Variants in ARID1B observed in about 807,000 individuals in gnomAD.
ARID1B encodes AT-rich interactive domain-containing protein 1B.
A neutral mutation model predicts 212.3 loss-of-function variants in ARID1B; 30 were observed. The ratio of observed to expected loss-of-function variants is 0.14; its 90% CI spans 0.11 to 0.19. ARID1B has a LOEUF of 0.19. ARID1B is among the 10% of genes least tolerant of loss of function. ARID1B has a pLI of 1.00. For synonymous variants in ARID1B, 1,402 were observed against 1,301.7 expected (o/e 1.08, Z -1.66); for missense variants, 2,891 against 3,204.0 (o/e 0.90, Z 2.36).
intron 3 of ARID1B, among the ~76,000 whole-genome samples, chr6:156,906,205 G>T (rs1282937384): frequency 6.6e-6 from 1 of 151,984 alleles, no homozygotes; most frequent in Non-Finnish European, 1.5e-5. Context: ...TTGTGATTAG[G>T]TATTTTAATT....
rs145953140 is a variant in ARID1B, at chr6:157,094,887, A to G, written c.2491+9982A>G. 3.4e-3 allele frequency among the ~76,000 whole-genome samples: 518 copies of G among 152,264 alleles called. 5 individuals are homozygous for G. The highest frequency in any genetic ancestry group is 6.8e-3 in the Middle Eastern group (2 of 294). On this transcript the variant is annotated intron_variant, in intron 5 of 19. Coordinates refer to ENST00000636930, the MANE Select transcript of ARID1B (RefSeq NM_001374828.1). This position sits in a 1 kb window ranked among gnomAD's most constrained non-coding sequence, Gnocchi z 4.3. ...TGGCAGAAGGAGTTTGGCCGAAGGA[A>G]TTGGTAAATGATGGTTCTGTACAGA...
At chr6:157,027,027 TG>T (rs2128487608) in intron 4 of ARID1B, among the ~76,000 whole-genome samples, 1 of 152,336 alleles carries the variant, frequency 6.6e-6, no homozygotes, top group Non-Finnish European at 1.5e-5. Flanking sequence ...AAGCAATTTA[TG>T]TGAGAGAAGA....
chr6:157,113,041 C>G lies in ARID1B; in HGVS notation c.2581+2480C>G, dbSNP rs141926495. Among the ~76,000 whole-genome samples, 1,316 of 152,028 alleles carry G rather than the reference C, an allele frequency of 8.7e-3. 25 individuals are homozygous for G. The highest frequency in any genetic ancestry group is 0.03 in the African/African-American group (1,240 of 41,442). On this transcript the variant is annotated intron_variant, in intron 6 of 19. Coordinates refer to ENST00000636930, the MANE Select transcript of ARID1B (RefSeq NM_001374828.1). ...GGTTCAAGCGATTCTTCTGCCTCAG[C>G]CTCCCAAGTAGCTGAGATTACAGGC...
intron 4 of ARID1B, among the ~76,000 whole-genome samples, chr6:157,061,915 G>A (rs1175324150): frequency 3.9e-5 from 6 of 152,168 alleles, no homozygotes; most frequent in Non-Finnish European, 8.8e-5. Context: ...CGTGCATCGT[G>A]TGGTAGGAGG....
At chr6:157,007,925 C>G (rs576636527) in intron 4 of ARID1B, among the ~76,000 whole-genome samples, 2 of 152,160 alleles carry the variant, frequency 1.3e-5, no homozygotes, top group African/African-American at 4.8e-5. Flanking sequence ...ATCCGCCCAC[C>G]TCGGCCTCCC....
intron 2 of ARID1B, among the ~76,000 whole-genome samples, chr6:156,891,192 T>C (rs931233904): frequency 1.3e-5 from 2 of 152,248 alleles, no homozygotes; most frequent in Non-Finnish European, 2.9e-5. Flanking sequence ...ATTTTCAGTC[T>C]GTCTCTTATG....
At position 156,897,264 on chromosome 6, in the gene ARID1B, C is replaced by CTTCTTCTTCTTA. The variant is rs71027320; in HGVS notation, c.1987-4110_1987-4109insCTTCTTCTTATT. Among the ~76,000 whole-genome samples, 578 of 83,550 alleles carry CTTCTTCTTCTTA rather than the reference C, an allele frequency of 6.9e-3. 1 individual carries two copies. The highest frequency in any genetic ancestry group is 0.015 in the Middle Eastern group (3 of 194). The allele number at this position is 83,550 out of a possible 152,430, so 54.8% of individuals were successfully genotyped here. ...TCTTCTTCTTCTTCTTCTTCTTCTT[C>CTTCTTCTTCTTA]TTATTATTATTATTATTATTATTAT... On this transcript the variant is annotated intron_variant, in intron 2 of 19. Coordinates refer to ENST00000636930, the MANE Select transcript of ARID1B (RefSeq NM_001374828.1).
chr6:157,046,401 A>T (rs1049763115), intron 4 of ARID1B, among the ~76,000 whole-genome samples: 1 of 152,032 alleles, frequency 6.6e-6, no homozygotes, highest in Non-Finnish European at 1.5e-5. Flanking sequence ...ATGGAATAGG[A>T]TTTTTTTCCT....
At chr6:156,892,883 A>C (rs534629158) in intron 2 of ARID1B, among the ~76,000 whole-genome samples, 5 of 152,346 alleles carry the variant, frequency 3.3e-5, no homozygotes, top group Admixed American at 1.3e-4. Context: ...TCCAAAGCTG[A>C]TGTGAAAATT....
chr6:157,052,722 TTGTC>T (rs1247169439), intron 4 of ARID1B, among the ~76,000 whole-genome samples: 1 of 152,044 alleles, frequency 6.6e-6, no homozygotes, highest in African/African-American at 2.4e-5. Context: ...CAGTTTTCGT[TTGTC>T]TGTCTGTTTT....
chr6:156,914,083 C>T (rs1790147769), intron 3 of ARID1B, among the ~76,000 whole-genome samples: 3 of 148,078 alleles, frequency 2.0e-5, no homozygotes, highest in Non-Finnish European at 4.5e-5. Flanking sequence ...TGCCCCCATT[C>T]CACTCTCCAC....
At chr6:156,803,516 A>G (rs966100427) in intron 1 of ARID1B, among the ~76,000 whole-genome samples, 3 of 151,796 alleles carry the variant, frequency 2.0e-5, no homozygotes, top group Admixed American at 2.0e-4. Flanking sequence ...AAACTTACCT[A>G]GACTTACCTT....
rs1175868363 is a variant in ARID1B at position 157,094,728 on chromosome 6, GT to G, written c.2491+9827del. ...CAGGAAATAGCATAATCCTGTTTAG[GT>G]TTTAGGAGGCTCACTGTGGCTGCTA... On this transcript the variant is annotated intron_variant, in intron 5 of 19. Coordinates refer to ENST00000636930, the MANE Select transcript of ARID1B (RefSeq NM_001374828.1). This position sits in a 1 kb window ranked among gnomAD's most constrained non-coding sequence, Gnocchi z 4.3. Among the ~76,000 whole-genome samples the G allele has an allele frequency of 2.0e-5, 3 of 152,144 alleles. No individual in the cohort carries two copies. Among genetic ancestry groups the G allele is most frequent in the African/African-American group, 7.2e-5 (3 of 41,428 alleles).
intron 5 of ARID1B, among the ~76,000 whole-genome samples, chr6:157,085,111 A>G (rs1293612681): frequency 1.3e-5 from 2 of 152,198 alleles, no homozygotes; most frequent in Non-Finnish European, 2.9e-5. Flanking sequence ...TAAAATGACC[A>G]ATTACTTTGA....
At chr6:157,142,912 G>A in intron 7 of ARID1B, among the ~76,000 whole-genome samples, 1 of 152,190 alleles carries the variant, frequency 6.6e-6, no homozygotes, top group East Asian at 1.9e-4. Flanking sequence ...TTGGAACTTA[G>A]AAGCAAAATT....
chr6:157,039,423 C>CG (rs1487647030), intron 4 of ARID1B, among the ~76,000 whole-genome samples: 1 of 146,816 alleles, frequency 6.8e-6, no homozygotes, highest in Non-Finnish European at 1.5e-5. Flanking sequence ...CTCCGCTTCC[C>CG]GGGTTCACGC....
intron 7 of ARID1B, among the ~76,000 whole-genome samples, chr6:157,146,262 A>G (rs1789715966): frequency 6.6e-6 from 1 of 152,204 alleles, no homozygotes; most frequent in Non-Finnish European, 1.5e-5. Context: ...TACATCCATT[A>G]TATGGTTTAA....
At chr6:157,179,740 G>A (rs569026678) in intron 11 of ARID1B, among the ~76,000 whole-genome samples, 1 of 152,192 alleles carries the variant, frequency 6.6e-6, no homozygotes, top group Non-Finnish European at 1.5e-5. Context: ...GTTAGTTAAA[G>A]GGAAAGCGGC....
chr6:157,036,352 A>G (rs562936256), intron 4 of ARID1B: 2 of 152,406 alleles, frequency 1.3e-5, no homozygotes, highest in East Asian at 3.9e-4. Flanking sequence ...GCTTTCAGGA[A>G]CTCTTGCTCT....
Sources: allele counts gnomAD v4.1 joint callset (sites outside exome capture counted in the v4.1 genomes callset), GRCh38; gene constraint gnomAD v4.1.1; non-coding constraint Gnocchi (gnomAD v3.1); transcripts MANE v1.5; gene names NCBI Gene and HGNC (gene_info 2026-07-23, HGNC 2026-07-21).